PSMF1: variants seen among roughly 807,000 people sequenced by gnomAD.
PSMF1 encodes the protein proteasome inhibitor PI31 subunit.
PSMF1 carries 30 observed loss-of-function variants against 29.3 expected under a neutral mutation model. The observed-to-expected ratio is 1.02, with a 90% CI of 0.77 to 1.39. The LOEUF is 1.39. PSMF1 is among the 40% of genes most tolerant of loss of function. PSMF1 has a pLI of 0.00. For synonymous variants in PSMF1, 134 were observed against 139.7 expected (o/e 0.96, Z 0.29); for missense variants, 344 against 357.5 (o/e 0.96, Z 0.31).
intron 4 of PSMF1, among the ~76,000 whole-genome samples, chr20:1,146,451 T>A (rs1340668960): frequency 6.6e-6 from 1 of 152,152 alleles, no homozygotes; most frequent in African/African-American, 2.4e-5. Context: ...GGGGCCAGAT[T>A]TGGGGAAGCC....
At chr20:1,126,404 T>G (rs900729474) in intron 2 of PSMF1, among the ~76,000 whole-genome samples, 1 of 152,208 alleles carries the variant, frequency 6.6e-6, no homozygotes, top group Admixed American at 6.5e-5. Flanking sequence ...GACCTTGACA[T>G]GGAAATACAT....
At chr20:1,137,171 GGCTATGCTT>G (rs2086317637) in intron 4 of PSMF1, among the ~76,000 whole-genome samples, 1 of 152,174 alleles carries the variant, frequency 6.6e-6, no homozygotes, top group Non-Finnish European at 1.5e-5. Context: ...GGCACCTGGA[GGCTATGCTT>G]CCCTATTTGG....
At chr20:1,119,647 C>T (rs541666803) in intron 1 of PSMF1, among the ~76,000 whole-genome samples, 5 of 152,294 alleles carry the variant, frequency 3.3e-5, no homozygotes. Flanking sequence ...CAGCTAGGGA[C>T]GTCGTTGTCA....
chr20:1,134,401 C>G (rs1324476244), intron 3 of PSMF1, among the ~76,000 whole-genome samples: 1 of 152,060 alleles, frequency 6.6e-6, no homozygotes, highest in East Asian at 1.9e-4. Context: ...GTTTTGATTT[C>G]TGTTATGATT....
chr20:1,146,282 C>T (rs902969473), intron 4 of PSMF1, among the ~76,000 whole-genome samples: 18 of 151,380 alleles, frequency 1.2e-4, no homozygotes, highest in African/African-American at 3.2e-4. Context: ...TGAATTACTA[C>T]GTAACAGATT....
Position 1,168,624 on chromosome 20 carries a change from ATGGTCAG to A in PSMF1, c.*3549_*3555del, listed in dbSNP as rs765255788. ...AGTGGCGATGGTGTTCCTGTGCTGGATGGTCAGTGGTTGTTGACATGTAGTTAGAAAA... is the reference window on the plus strand; with the variant it reads ...AGTGGCGATGGTGTTCCTGTGCTGGATGGTTGTTGACATGTAGTTAGAAAA... On this transcript the variant is annotated 3_prime_UTR_variant, in exon 7 of 7. Coordinates refer to ENST00000335877, the MANE Select transcript of PSMF1 (RefSeq NM_006814.5). Among the ~76,000 whole-genome samples the A allele has an allele frequency of 1.3e-5, 2 of 152,194 alleles. No homozygotes were observed. The highest frequency in any genetic ancestry group is 2.9e-5 in the Non-Finnish European group (2 of 68,042).
At position 1,146,160 on chromosome 20, in the gene PSMF1, A is replaced by G. The variant is rs540950116; in HGVS notation, c.551+10854A>G. 2.0e-5 allele frequency among the ~76,000 whole-genome samples: 3 copies of G among 152,306 alleles called. No homozygotes were observed. In the South Asian group the frequency reaches 6.2e-4, roughly 32 times the overall value. On this transcript the variant is annotated intron_variant, in intron 4 of 6. Transcript: ENST00000335877. Reference sequence around the variant, plus strand: ...TAATTGCTGTTACAGAGGTTAGCACAGAGATACTTCATGAGTATCCTGGGA... The same window carrying G: ...TAATTGCTGTTACAGAGGTTAGCACGGAGATACTTCATGAGTATCCTGGGA...
At chr20:1,135,379 A>G (rs1007897589) in intron 4 of PSMF1, 73 bp downstream of exon 4, 22 of 1,433,406 alleles carry the variant, frequency 1.5e-5, no homozygotes, top group Admixed American at 8.5e-5. Context: ...CCATCCTGCC[A>G]CTTGACCCCA....
In PSMF1 at chr20:1,135,230, C is replaced by T. The variant is rs747706794; in HGVS notation, c.475C>T (p.Pro159Ser). 1 of 1,614,084 alleles carries T rather than the reference C, an allele frequency of 6.2e-7. No individual in the cohort carries two copies. The highest frequency in any genetic ancestry group is 1.3e-5 in the African/African-American group (1 of 75,014). Residue 159 changes from proline to serine, a missense_variant, in exon 4 of 7, where the codon CCC becomes TCC. Physicochemically the swap from Pro to Ser is moderately conservative, Grantham distance 74. Coordinates refer to ENST00000335877, the MANE Select transcript of PSMF1 (RefSeq NM_006814.5). The stretch of plus-strand genomic sequence containing the variant: ...TGTAAGCAGTCCCCACCGGGAGTTC[C>T]CCCCTGCTACCGCCAGAGAGGTGGA... ...ANVSSPHREF[P>S]PATAREVDPL...
At chr20:1,155,573 G>A (rs12479880) in intron 4 of PSMF1, among the ~76,000 whole-genome samples, 12,262 of 152,228 alleles carry the variant, frequency 0.081, 569 homozygotes, top group South Asian at 0.13. Context: ...ACCACAGAGC[G>A]GGAGGAGCTC....
chr20:1,142,639 A>G (rs1165092878), intron 4 of PSMF1, among the ~76,000 whole-genome samples: 6 of 152,196 alleles, frequency 3.9e-5, no homozygotes, highest in Non-Finnish European at 5.9e-5. Flanking sequence ...CATGGTGTAT[A>G]TGTGCCACAT....
intron 4 of PSMF1, among the ~76,000 whole-genome samples, chr20:1,135,570 A>G (rs1275510157): frequency 6.6e-6 from 1 of 152,200 alleles, no homozygotes; most frequent in Non-Finnish European, 1.5e-5. Context: ...AGTCTGTCCA[A>G]GGATCAGTGC....
chr20:1,166,055 A>C lies in PSMF1; in HGVS notation c.*975A>C, dbSNP rs1032775819. On this transcript the variant is annotated 3_prime_UTR_variant, in exon 7 of 7. Transcript: ENST00000335877. ...TGGTTCAAGGCCATACTTCCCTTGA[A>C]CCTTGTGTGGTTCTTGCCTAACTCT... 5 of 1,484,844 alleles carry C rather than the reference A, an allele frequency of 3.4e-6. No homozygotes were observed. In the African/African-American group the frequency reaches 7.0e-5, roughly 21 times the overall value. The allele number at this position is 1,484,844 out of a possible 1,614,324, so 92.0% of individuals were successfully genotyped here.
At chr20:1,151,323 A>T (rs957704963) in intron 4 of PSMF1, among the ~76,000 whole-genome samples, 2 of 152,258 alleles carry the variant, frequency 1.3e-5, no homozygotes, top group African/African-American at 4.8e-5. Context: ...TACAGTAAGT[A>T]ACTTCACAAC....
intron 3 of PSMF1, among the ~76,000 whole-genome samples, chr20:1,131,623 T>C (rs1160076571): frequency 6.6e-6 from 1 of 152,236 alleles, no homozygotes; most frequent in East Asian, 1.9e-4. Context: ...GCTTCCTCCA[T>C]GTAGCCCTCT....
intron 1 of PSMF1, among the ~76,000 whole-genome samples, chr20:1,122,249 G>C (rs2086096965): frequency 6.6e-6 from 1 of 151,442 alleles, no homozygotes. Flanking sequence ...GCAGCTCTCT[G>C]ACCATCTCAG....
intron 2 of PSMF1, among the ~76,000 whole-genome samples, chr20:1,126,475 AT>A (rs372575362): frequency 1.6e-3 from 244 of 152,166 alleles, no homozygotes; most frequent in Admixed American, 3.3e-3. Context: ...TAATTTCTTT[AT>A]TCCTTTCCCT....
chr20:1,119,024 A>T, intron 1 of PSMF1, 122 bp downstream of exon 1: 2 of 1,315,084 alleles, frequency 1.5e-6, no homozygotes, highest in Non-Finnish European at 1.0e-6. Context: ...TCTGGGGCAG[A>T]TGGCAGCGTT....
chr20:1,141,522 G>C (rs2086380057), intron 4 of PSMF1, among the ~76,000 whole-genome samples: 1 of 151,620 alleles, frequency 6.6e-6, no homozygotes, highest in African/African-American at 2.4e-5. Context: ...AGAGTGGTTT[G>C]TTAGTACCTA....
Sources: gnomAD v4.1 joint callset for allele counts (sites outside exome capture counted in the v4.1 genomes callset) on GRCh38, gnomAD v4.1.1 for gene constraint, MANE v1.5 for transcripts, NCBI Gene and HGNC (gene_info 2026-07-23, HGNC 2026-07-21) for gene names.